The following PFKM variants were observed in gnomAD, a reference collection of about 807,000 sequenced individuals.
PFKM encodes phosphofructokinase, muscle.
PFKM carries 58 observed loss-of-function variants against 95.5 expected under a neutral mutation model. The observed-to-expected ratio is 0.61, with a 90% CI of 0.49 to 0.76. PFKM has a LOEUF of 0.76. Among genes scored for constraint, PFKM ranks in the 30% least tolerant of loss-of-function variants. The pLI, the probability that PFKM is intolerant of heterozygous loss-of-function variation, is 0.00. For missense variants in PFKM, 678 were observed against 1,005.4 expected, an observed-to-expected ratio of 0.67 and a Z score of 4.40; for synonymous variants, 336 against 357.2, an observed-to-expected ratio of 0.94 and a Z score of 0.67.
rs763334903 is a variant in PFKM at position 48,145,414 on chromosome 12, A to AAT, written c.2198+99_2198+100insAT. 4.0e-5 allele frequency: 51 copies of AAT among 1,264,550 alleles called. No individual in the cohort carries two copies. Among genetic ancestry groups the AAT allele is most frequent in the Non-Finnish European group, 5.8e-5 (51 of 876,898 alleles). The allele number at this position is 1,264,550 out of a possible 1,614,324, so 78.3% of individuals were successfully genotyped here. A position where few individuals can be genotyped will look rare whatever the true frequency, so the allele number is the denominator to read the frequency against. ...TGTCTTTAATTCTTTTTTTTTTTTAAGGAGTAACACCTGTATTCTTACCCA... is the reference window on the plus strand; with the variant it reads ...TGTCTTTAATTCTTTTTTTTTTTTAAATGGAGTAACACCTGTATTCTTACCCA... On this transcript the variant is annotated intron_variant, in intron 22 of 22. Coordinates refer to ENST00000359794, the MANE Select transcript of PFKM (RefSeq NM_000289.6). The surrounding 1 kb of genome is among the most constrained non-coding windows in gnomAD (Gnocchi z 4.3).
chr12:48,105,888 G>C (rs1213728024), upstream of PFKM: 1 of 618,054 alleles, frequency 1.6e-6, no homozygotes, highest in Non-Finnish European at 2.9e-6. Context: ...AGGGGGCGGG[G>C]CAGAGGAAAA....
At chr12:48,135,150 G>A in intron 9 of PFKM, 112 bp downstream of exon 9, 2 of 1,108,802 alleles carry the variant, frequency 1.8e-6, no homozygotes, top group Non-Finnish European at 2.7e-6. Context: ...TCTCTCCCTG[G>A]TTCCCTGCCC....
At chr12:48,144,916 C>T in intron 20 of PFKM, 115 bp from the exon 21 acceptor site, 1 of 783,018 alleles carries the variant, frequency 1.3e-6, no homozygotes, top group African/African-American at 1.7e-5. Flanking sequence ...CTTCTGGATT[C>T]CTGTTTTGGG....
upstream of PFKM, among the ~76,000 whole-genome samples, chr12:48,114,729 G>A (rs148135229): frequency 8.3e-3 from 1,271 of 152,302 alleles, 14 homozygotes; most frequent in African/African-American, 0.028. Context: ...TGTGAAAAAT[G>A]CCTGGATGTA....
At chr12:48,113,981 T>C (rs940699822) in intron 3 of PFKM, among the ~76,000 whole-genome samples, 17 of 152,214 alleles carry the variant, frequency 1.1e-4, no homozygotes, top group Admixed American at 7.2e-4. Flanking sequence ...TTTAAGTTTG[T>C]CATAATTAAC....
chr12:48,105,996 C>T, exon 1 of PFKM: 1 of 700,670 alleles, frequency 1.4e-6, no homozygotes, highest in Non-Finnish European at 2.6e-6. Context: ...CCTCCATCCT[C>T]ACCCCTCCCC....
intron 1 of PFKM, chr12:48,106,360 TACC>T: frequency 2.0e-6 from 1 of 490,528 alleles, no homozygotes; most frequent in Non-Finnish European, 3.6e-6. Flanking sequence ...TCTGCTCCCT[TACC>T]CGCCGCCTTC....
exon 1 of PFKM, chr12:48,106,070 C>G: frequency 1.4e-6 from 1 of 702,508 alleles, no homozygotes. Context: ...TCCGGCCGGG[C>G]GCGGAACGCA....
Position 48,133,059 on chromosome 12 carries a change from T to TA in PFKM, c.427+4dup, listed in dbSNP as rs774590801. ...TGTTGAGTGACCTCCAGAAAGCAGG[T>TA]AAGAGAGTTTTCACATCAGTATTGC... On this transcript the variant is annotated splice_region_variant and intron_variant, in intron 5 of 22. Coordinates refer to ENST00000359794, the MANE Select transcript of PFKM (RefSeq NM_000289.6). 1.5e-5 allele frequency: 25 copies of TA among 1,613,660 alleles called. No homozygotes were observed. The highest frequency in any genetic ancestry group is 2.1e-5 in the Non-Finnish European group (25 of 1,179,692).
At chr12:48,108,531 A>G in intron 3 of PFKM, among the ~76,000 whole-genome samples, 1 of 152,222 alleles carries the variant, frequency 6.6e-6, no homozygotes, top group Non-Finnish European at 1.5e-5. Flanking sequence ...TCCTATTGTC[A>G]GCATCCTTGA....
chr12:48,116,976 C>T (rs1187022071), upstream of PFKM, among the ~76,000 whole-genome samples: 3 of 152,204 alleles, frequency 2.0e-5, no homozygotes, highest in Admixed American at 1.3e-4. Flanking sequence ...AGCATCATAC[C>T]GAATCATTTT....
At chr12:48,129,145 A>T (rs1446483366) in intron 2 of PFKM, among the ~76,000 whole-genome samples, 1 of 151,692 alleles carries the variant, frequency 6.6e-6, no homozygotes, top group Non-Finnish European at 1.5e-5. Flanking sequence ...TCTGTGAAAA[A>T]GGGAAAAGGA....
chr12:48,131,533 G>A (rs1407174159), intron 4 of PFKM, 140 bp downstream of exon 4: 4 of 722,286 alleles, frequency 5.5e-6, no homozygotes, highest in South Asian at 2.9e-5. Context: ...GACCCTATTT[G>A]CCCTTTACTC....
chr12:48,134,506 T>G (rs1364464230), intron 7 of PFKM, among the ~76,000 whole-genome samples: 1 of 152,224 alleles, frequency 6.6e-6, no homozygotes. Flanking sequence ...GCTCTGAGGC[T>G]GGAAGCCACT....
chr12:48,122,772 A>G lies in PFKM; in HGVS notation c.-3A>G. ...ACCATTGTCTTAAATTCTAGAGTGG[A>G]TCATGACCCATGAAGAGCACCATGC... On this transcript the variant is annotated 5_prime_UTR_variant, in exon 2 of 23. Transcript: ENST00000359794. 1.2e-6 allele frequency: 2 copies of G among 1,614,032 alleles called. No individual in the cohort carries two copies. Among genetic ancestry groups the G allele is most frequent in the South Asian group, 2.2e-5 (2 of 91,082 alleles).
intron 2 of PFKM, among the ~76,000 whole-genome samples, chr12:48,128,709 G>C (rs562440874): frequency 1.3e-5 from 2 of 152,088 alleles, no homozygotes; most frequent in Admixed American, 6.5e-5. Flanking sequence ...GTTTGTGATG[G>C]TTTTTTAGTT....
Position 48,135,321 on chromosome 12 carries a change from C to T in PFKM, c.874C>T (p.Arg292Trp), listed in dbSNP as rs368997884. Residue 292 changes from arginine to tryptophan, a missense_variant, in exon 10 of 23, where the codon CGG becomes TGG. Transcript: ENST00000359794. Reference protein sequence around the residue: ...LVVKRLGYDTRVTVLGHVQRG... With the variant: ...LVVKRLGYDTWVTVLGHVQRG... ...GGTTAAGCGTCTGGGATATGACACC[C>T]GGGTTACTGTCTTGGGGCATGTGCA... 94 of 1,613,972 alleles carry T rather than the reference C, an allele frequency of 5.8e-5. No homozygotes were observed. Among genetic ancestry groups the T allele is most frequent in the Non-Finnish European group, 7.7e-5 (91 of 1,179,952 alleles).
intron 3 of PFKM, among the ~76,000 whole-genome samples, chr12:48,113,714 G>C (rs532109129): frequency 6.6e-6 from 1 of 152,362 alleles, no homozygotes; most frequent in East Asian, 1.9e-4. Context: ...GCAAGTAATT[G>C]CAACTCAGAA....
chr12:48,128,259 G>T (rs1592696880), intron 2 of PFKM, among the ~76,000 whole-genome samples: 1 of 149,884 alleles, frequency 6.7e-6, no homozygotes, highest in Non-Finnish European at 1.5e-5. Context: ...ACTGTACTTT[G>T]TCTCTCTCTC....
Sources: allele counts gnomAD v4.1 joint callset (sites outside exome capture counted in the v4.1 genomes callset), GRCh38; gene constraint gnomAD v4.1.1; non-coding constraint Gnocchi (gnomAD v3.1); transcripts MANE v1.5; gene names NCBI Gene and HGNC (gene_info 2026-07-23, HGNC 2026-07-21).